PROP1: variants seen among roughly 807,000 people sequenced by gnomAD.
The protein encoded by PROP1 is PROP paired-like homeobox 1, also known as homeobox protein prophet of Pit-1.
PROP1 carries 12 observed loss-of-function variants against 22.3 expected under a neutral mutation model. The ratio of observed to expected loss-of-function variants is 0.54; its 90% confidence interval spans 0.34 to 0.87. PROP1 has a LOEUF of 0.87. PROP1 is among the 40% of genes least tolerant of loss of function. The pLI, the probability that PROP1 is intolerant of heterozygous loss-of-function variation, is 0.01. For synonymous variants in PROP1, 112 were observed against 116.7 expected (o/e 0.96, Z 0.26); for missense variants, 278 against 295.1 (o/e 0.94, Z 0.43).
rs1223776042 is a variant in PROP1 at position 177,992,537 on chromosome 5, TA to T, written c.*171del. On this transcript the variant is annotated 3_prime_UTR_variant, in exon 3 of 3. Transcript: ENST00000308304. ...GCTCACCTCCCCAGACTTCCTCCAC[TA>T]ATCACCCCAGTGAGAATTCACCATG... The T allele has an allele frequency of 8.2e-6, 5 of 606,710 alleles. No homozygotes were observed. The highest frequency in any genetic ancestry group is 1.4e-5 in the Non-Finnish European group (5 of 345,970). The allele number at this position is 606,710 out of a possible 1,614,324, so 37.6% of individuals were successfully genotyped here.
chr5:177,992,421 C>T lies in PROP1; in HGVS notation c.*288G>A. The T allele has an allele frequency of 2.2e-6, 1 of 459,318 alleles. No homozygotes were observed. The highest frequency in any genetic ancestry group is 3.9e-6 in the Non-Finnish European group (1 of 258,490). The allele number at this position is 459,318 out of a possible 1,614,324, so 28.5% of individuals were successfully genotyped here. Reference sequence around the variant, plus strand: ...TGAAGGCCCTCACCTCCTAGCCCTTCAATCATCTCCACTCACCAGCAACTG... The same window carrying T: ...TGAAGGCCCTCACCTCCTAGCCCTTTAATCATCTCCACTCACCAGCAACTG... On this transcript the variant is annotated 3_prime_UTR_variant, in exon 3 of 3. Coordinates refer to ENST00000308304, the MANE Select transcript of PROP1 (RefSeq NM_006261.5).
chr5:177,992,560 C>A lies in PROP1; in HGVS notation c.*149G>T. 1.6e-6 allele frequency: 1 copy of A among 633,276 alleles called. No homozygotes were observed. Among genetic ancestry groups the A allele is most frequent in the Non-Finnish European group, 2.7e-6 (1 of 365,144 alleles). The allele number at this position is 633,276 out of a possible 1,614,324, so 39.2% of individuals were successfully genotyped here. ...ACTAATCACCCCAGTGAGAATTCAC[C>A]ATGATCTCCCATTTTTAAATTTCTA... On this transcript the variant is annotated 3_prime_UTR_variant, in exon 3 of 3. Coordinates refer to ENST00000308304, the MANE Select transcript of PROP1 (RefSeq NM_006261.5).
chr5:177,993,123 G>T (rs950454646), intron 2 of PROP1, 76 bp from the exon 3 acceptor site: 21 of 1,280,972 alleles, frequency 1.6e-5, no homozygotes, highest in Non-Finnish European at 2.3e-5. Context: ...GACAAGAGGT[G>T]CAGGGACAGG....
In PROP1 at chr5:177,992,959, G is replaced by A; in HGVS notation, c.431C>T (p.Ser144Phe). The A allele has an allele frequency of 6.2e-7, 1 of 1,613,994 alleles. No homozygotes were observed. The highest frequency in any genetic ancestry group is 8.5e-7 in the Non-Finnish European group (1 of 1,179,978). Residue 144 changes from serine (S) to phenylalanine (F), a missense_variant, in exon 3 of 3, where the codon TCC (serine) becomes TTC (phenylalanine). Transcript: ENST00000308304. The stretch of plus-strand genomic sequence containing the variant: ...AGCAGTGGACTCTGGCAAGAAGCTG[G>A]AAAAGGCGGCAGGAGACAGATGGGC... ...PLAHLSPAAFSSFLPESTACP... is the reference protein window; with the variant it reads ...PLAHLSPAAFFSFLPESTACP...
At position 177,993,097 on chromosome 5, in the gene PROP1, G is replaced by A. The variant is rs1474887091; in HGVS notation, c.343-50C>T. The A allele has an allele frequency of 3.4e-6, 5 of 1,475,244 alleles. No homozygotes were observed. In the Admixed American group the frequency reaches 9.2e-5, roughly 27 times the overall value. 91.4% of individuals were successfully genotyped at this position (1,475,244 alleles called of 1,614,324 possible). On this transcript the variant is annotated intron_variant, in intron 2 of 2. Transcript: ENST00000308304. ...AGAGCCCACACTTGACATAGGTGGT[G>A]ACACCCTACTCCAATGACAAGAGGT... is the stretch of plus-strand genomic sequence containing the variant.
chr5:177,994,039 A>G (rs1030156743), intron 2 of PROP1, 67 bp downstream of exon 2: 16 of 1,559,412 alleles, frequency 1.0e-5, no homozygotes, highest in Admixed American at 1.7e-5. Context: ...ATAATGCCCA[A>G]CATTCTATGA....
Position 177,994,114 on chromosome 5 carries a change from G to A in PROP1, c.334C>T (p.Arg112Ter), listed in dbSNP as rs766673446. ...GGATCCTGGAGCATCACCTGGATTC[G>A]GGCCTCACTGAGGCCAGTGTCCCGG... is the stretch of plus-strand genomic sequence containing the variant. ...LARDTGLSEA[R>*]IQVWFQNRRA... The change falls in exon 2 of 3, where the codon CGA becomes TGA. Residue 112 changes from arginine (R) to a stop codon, truncating the protein, a stop_gained. Coordinates refer to ENST00000308304, the MANE Select transcript of PROP1 (RefSeq NM_006261.5). LOFTEE classifies it high-confidence loss of function. The A allele has an allele frequency of 1.9e-6, 3 of 1,613,660 alleles. No individual in the cohort carries two copies. The highest frequency in any genetic ancestry group is 1.3e-5 in the African/African-American group (1 of 74,888).
At position 177,992,386 on chromosome 5, in the gene PROP1, T is replaced by G; in HGVS notation, c.*323A>C. 2.8e-6 allele frequency: 1 copy of G among 358,592 alleles called. No individual in the cohort carries two copies. The highest frequency in any genetic ancestry group is 5.1e-6 in the Non-Finnish European group (1 of 197,710). The allele number at this position is 358,592 out of a possible 1,614,324, so 22.2% of individuals were successfully genotyped here. On this transcript the variant is annotated 3_prime_UTR_variant, in exon 3 of 3. Transcript: ENST00000308304. ...GAGCTGGGATCTTCTTCAATCGTGA[T>G]CTCAATTAATGAAGGCCCTCACCTC...
chr5:177,995,313 A>G (rs1755738113), intron 1 of PROP1, among the ~76,000 whole-genome samples: 1 of 151,976 alleles, frequency 6.6e-6, no homozygotes, highest in African/African-American at 2.4e-5. Flanking sequence ...AATTAGTCTG[A>G]GAGCTGTTGG....
At chr5:177,995,231 C>G (rs763903021) in intron 1 of PROP1, among the ~76,000 whole-genome samples, 4 of 152,108 alleles carry the variant, frequency 2.6e-5, no homozygotes, top group Non-Finnish European at 4.4e-5. Flanking sequence ...GGCCCAGCCA[C>G]CAGGCTGCAG....
rs555891165 is a variant in PROP1, at chr5:177,994,295, C to T, written c.153G>A (p.Gly51=). 1.2e-6 allele frequency: 2 copies of T among 1,611,412 alleles called. No individual in the cohort carries two copies. Among genetic ancestry groups the T allele is most frequent in the South Asian group, 2.2e-5 (2 of 90,920 alleles). ...CTTGCGGGGAGAACCTTGATCTCCC[C>T]CCTCCTGCACCAGGGAGCCTTCTGC... ...PPCRRLPGAG[G]GRSRFSPQGG... The change falls in exon 2 of 3, where the codon GGG becomes GGA. Residue 51 remains glycine (G), a synonymous_variant. Coordinates refer to ENST00000308304, the MANE Select transcript of PROP1 (RefSeq NM_006261.5).
chr5:177,995,130 G>T (rs1041498952), intron 1 of PROP1, among the ~76,000 whole-genome samples: 2 of 151,870 alleles, frequency 1.3e-5, no homozygotes, highest in Admixed American at 1.3e-4. Flanking sequence ...GCCATCTCCC[G>T]CACCCCTCAC....
chr5:177,994,998 A>G (rs1419618666), intron 1 of PROP1, among the ~76,000 whole-genome samples: 1 of 152,068 alleles, frequency 6.6e-6, no homozygotes, highest in Non-Finnish European at 1.5e-5. Flanking sequence ...CCTGGGGCTC[A>G]CCCTGTGGGT....
At position 177,993,058 on chromosome 5, in the gene PROP1, G is replaced by C. The variant is rs781223542; in HGVS notation, c.343-11C>G. The C allele has an allele frequency of 1.2e-6, 2 of 1,609,626 alleles. No homozygotes were observed. Among genetic ancestry groups the C allele is most frequent in the South Asian group, 1.1e-5 (1 of 90,426 alleles). Reference sequence around the variant, plus strand: ...GTTCTGGAACCAGACCTGAGAAGGGGTAGGAACCACATCAGAGCCCACACT... The same window carrying C: ...GTTCTGGAACCAGACCTGAGAAGGGCTAGGAACCACATCAGAGCCCACACT... On this transcript the variant is annotated splice_polypyrimidine_tract_variant and intron_variant, in intron 2 of 2. Transcript: ENST00000308304.
In PROP1 at chr5:177,994,303, C is replaced by T. The variant is rs1755702579; in HGVS notation, c.145G>A (p.Ala49Thr). The change falls in exon 2 of 3, where the codon GCA (alanine) becomes ACA (threonine). Residue 49 changes from alanine to threonine, a missense_variant. Transcript: ENST00000308304. ...GAGAACCTTGATCTCCCCCCTCCTG[C>T]ACCAGGGAGCCTTCTGCAGGGTGGA... The part of the protein sequence containing the change: ...SAPPCRRLPG[A>T]GGGRSRFSPQ... 3 of 1,609,924 alleles carry T rather than the reference C, an allele frequency of 1.9e-6. No homozygotes were observed. In the African/African-American group the frequency reaches 4.0e-5, roughly 22 times the overall value.
rs369061869 is a variant in PROP1 at position 177,995,944 on chromosome 5, G to A, written c.-11C>T. On this transcript the variant is annotated 5_prime_UTR_variant, in exon 1 of 3. Transcript: ENST00000308304. ...CCTTTCTGCTTCCATGGCTCGCCAC[G>A]GGGACCAAGTGTCCCTGAATCTCTG... The A allele has an allele frequency of 4.2e-5, 67 of 1,608,254 alleles. No homozygotes were observed. Among genetic ancestry groups the A allele is most frequent in the Non-Finnish European group, 5.3e-5 (62 of 1,176,040 alleles).
At chr5:177,993,285 G>C (rs1168341841) in intron 2 of PROP1, among the ~76,000 whole-genome samples, 1 of 152,190 alleles carries the variant, frequency 6.6e-6, no homozygotes, top group Non-Finnish European at 1.5e-5. Context: ...AGAAGTGTCA[G>C]CTTCCACCAA....
intron 2 of PROP1, 115 bp from the exon 3 acceptor site, chr5:177,993,162 G>A (rs2113061073): frequency 2.2e-6 from 2 of 901,954 alleles, no homozygotes; most frequent in East Asian, 2.6e-5. Flanking sequence ...TGGCCAGAGG[G>A]AGTAAAGCTC....
In PROP1 at chr5:177,994,120, C is replaced by T; in HGVS notation, c.328G>A (p.Glu110Lys). The change falls in exon 2 of 3, where the codon GAG (glutamate) becomes AAG (lysine). Residue 110 changes from glutamate to lysine, a missense_variant. Physicochemically the swap from Glu to Lys is moderately conservative, Grantham distance 56 (BLOSUM62 1). Coordinates refer to ENST00000308304, the MANE Select transcript of PROP1 (RefSeq NM_006261.5). ...TGGAGCATCACCTGGATTCGGGCCTCACTGAGGCCAGTGTCCCGGGCAAGA... is the reference window on the plus strand; with the variant it reads ...TGGAGCATCACCTGGATTCGGGCCTTACTGAGGCCAGTGTCCCGGGCAAGA... ...ESLARDTGLS[E>K]ARIQVWFQNR... is the part of the protein sequence containing the mutation. 1.2e-6 allele frequency: 2 copies of T among 1,614,168 alleles called. No homozygotes were observed. The highest frequency in any genetic ancestry group is 4.5e-5 in the East Asian group (2 of 44,878).
Sources: allele counts gnomAD v4.1 joint callset (sites outside exome capture counted in the v4.1 genomes callset), GRCh38; gene constraint gnomAD v4.1.1; transcripts MANE v1.5; gene names NCBI Gene and HGNC (gene_info 2026-07-23, HGNC 2026-07-21).